LRFN2: variants seen among roughly 807,000 people sequenced by gnomAD.
LRFN2 encodes the protein leucine rich repeat and fibronectin type III domain containing 2.
In LRFN2, 18 loss-of-function variants were observed where a neutral mutation model predicts 37.3. The ratio of observed to expected loss-of-function variants is 0.48; its 90% CI spans 0.33 to 0.72. The LOEUF is 0.72. LRFN2 is among the 30% of genes least tolerant of loss of function. LRFN2 has a pLI of 0.02. For missense variants in LRFN2, 1,006 were observed against 1,060.7 expected, an observed-to-expected ratio of 0.95 and a Z score of 0.72; for synonymous variants, 556 against 466.6, an observed-to-expected ratio of 1.19 and a Z score of -2.47.
intron 1 of LRFN2, among the ~76,000 whole-genome samples, chr6:40,474,006 A>C (rs1040726851): frequency 7.2e-5 from 11 of 152,248 alleles, no homozygotes; most frequent in Non-Finnish European, 1.6e-4. Context: ...TTCCTGGCAC[A>C]CAGCAGGAAC....
intron 1 of LRFN2, among the ~76,000 whole-genome samples, chr6:40,540,651 A>G (rs1766536474): frequency 6.6e-6 from 1 of 152,204 alleles, no homozygotes; most frequent in South Asian, 2.1e-4. Context: ...AGCAGAAAAC[A>G]CAATGGGGTT....
In LRFN2 at chr6:40,392,754, G is replaced by C. The variant is rs1303203919; in HGVS notation, c.1559C>G (p.Pro520Arg). 1 of 1,614,114 alleles carries C rather than the reference G, an allele frequency of 6.2e-7. No homozygotes were observed. The highest frequency in any genetic ancestry group is 8.5e-7 in the Non-Finnish European group (1 of 1,179,992). Residue 520 changes from proline to arginine, a missense_variant, in exon 3 of 3, where the codon CCG (proline) becomes CGG (arginine). Pro to Arg is a moderately radical substitution (Grantham distance 103). Coordinates refer to ENST00000338305, the MANE Select transcript of LRFN2 (RefSeq NM_020737.3). The surrounding 1 kb of genome is among the most constrained non-coding windows in gnomAD (Gnocchi z 4.7). Reference sequence around the variant, plus strand: ...CTGGCTGTGCATGGACTGGCACTGCGGGTAGTCAGCCTTGGTGAAGAACTG... The same window carrying C: ...CTGGCTGTGCATGGACTGGCACTGCCGGTAGTCAGCCTTGGTGAAGAACTG... Reference protein sequence around the residue: ...CAQFFTKADYPQCQSMHSQIL... With the variant: ...CAQFFTKADYRQCQSMHSQIL...
intron 1 of LRFN2, among the ~76,000 whole-genome samples, chr6:40,466,549 G>A (rs896585584): frequency 6.6e-6 from 1 of 151,972 alleles, no homozygotes; most frequent in Admixed American, 6.5e-5. Context: ...GAAAGGAGAG[G>A]CCCCCACTCA....
intron 1 of LRFN2, among the ~76,000 whole-genome samples, chr6:40,517,149 G>T (rs962050553): frequency 1.3e-5 from 2 of 152,168 alleles, no homozygotes; most frequent in African/African-American, 4.8e-5. Flanking sequence ...ATCCCTAGCT[G>T]CAGTACGTTC....
intron 1 of LRFN2, among the ~76,000 whole-genome samples, chr6:40,579,700 T>C (rs1767359688): frequency 6.6e-6 from 1 of 151,674 alleles, no homozygotes; most frequent in South Asian, 2.1e-4. Flanking sequence ...ACCCCCAACA[T>C]AATCAAGTCC....
intron 1 of LRFN2, among the ~76,000 whole-genome samples, chr6:40,556,694 TTC>T (rs1766892596): frequency 7.5e-6 from 1 of 133,954 alleles, no homozygotes; most frequent in Admixed American, 7.3e-5. Flanking sequence ...CTCTCTTTGT[TTC>T]TCTCTCTCTT....
chr6:40,451,088 T>A (rs955248569), intron 1 of LRFN2, among the ~76,000 whole-genome samples: 1 of 152,226 alleles, frequency 6.6e-6, no homozygotes, highest in African/African-American at 2.4e-5. Flanking sequence ...ACTAGACATG[T>A]GTGATATAAT....
At chr6:40,493,175 G>A (rs189522509) in intron 1 of LRFN2, among the ~76,000 whole-genome samples, 3 of 152,234 alleles carry the variant, frequency 2.0e-5, no homozygotes, top group Admixed American at 6.5e-5. Context: ...CCCGAGCCAA[G>A]GCTGGGTATC....
At chr6:40,393,339 C>T (rs1762553125) in intron 2 of LRFN2, among the ~76,000 whole-genome samples, 1 of 151,266 alleles carries the variant, frequency 6.6e-6, no homozygotes, top group Non-Finnish European at 1.5e-5. Flanking sequence ...TGTCAGAGAC[C>T]GAGGATGTGT....
In LRFN2 at chr6:40,476,971, C is replaced by T. The variant is rs529430054; in HGVS notation, c.-18-43840G>A. Among the ~76,000 whole-genome samples the T allele has an allele frequency of 2.6e-3, 399 of 152,334 alleles. 1 individual carries two copies. The highest frequency in any genetic ancestry group is 9.3e-3 in the African/African-American group (388 of 41,578). On this transcript the variant is annotated intron_variant, in intron 1 of 2. Transcript: ENST00000338305. ...CAAAGTAGCTTAGGCATCTAGTTCC[C>T]CAGAGTCTCTTCCCACCTTCTCCTT...
chr6:40,515,659 C>T lies in LRFN2; in HGVS notation c.-19+71282G>A, dbSNP rs952735651. ...ATCCCAGCACTTTGGGAGGCCAAGG[C>T]GGGCGGATTGCCTGAGGTCAGGAGT... On this transcript the variant is annotated intron_variant, in intron 1 of 2. Coordinates refer to ENST00000338305, the MANE Select transcript of LRFN2 (RefSeq NM_020737.3). Among the ~76,000 whole-genome samples, 8 of 152,232 alleles carry T rather than the reference C, an allele frequency of 5.3e-5. No homozygotes were observed. In the East Asian group the frequency reaches 9.7e-4, roughly 18 times the overall value.
chr6:40,432,275 C>A lies in LRFN2; in HGVS notation c.839G>T (p.Arg280Leu), dbSNP rs780311111. The change falls in exon 2 of 3, where the codon CGT (arginine) becomes CTT (leucine). Residue 280 changes from arginine to leucine, a missense_variant. Physicochemically the swap from Arg to Leu is moderately radical, Grantham distance 102. Coordinates refer to ENST00000338305, the MANE Select transcript of LRFN2 (RefSeq NM_020737.3). ...CGGCTCGCACACAAACTCCTCCTCA[C>A]GCACATGCCAGAAGTAGCGACCCTT... ...GLKGRYFWHV[R>L]EEEFVCEPPL... 1.2e-6 allele frequency: 2 copies of A among 1,613,964 alleles called. No homozygotes were observed. Among genetic ancestry groups the A allele is most frequent in the Admixed American group, 1.7e-5 (1 of 60,008 alleles).
chr6:40,497,823 G>C (rs570136041), intron 1 of LRFN2, among the ~76,000 whole-genome samples: 96 of 152,248 alleles, frequency 6.3e-4, no homozygotes, highest in Middle Eastern at 3.4e-3. Flanking sequence ...AAGCAAGGAT[G>C]ATCAAAAAAA....
intron 1 of LRFN2, among the ~76,000 whole-genome samples, chr6:40,488,476 G>A (rs1454766657): frequency 6.6e-6 from 1 of 151,982 alleles, no homozygotes; most frequent in Non-Finnish European, 1.5e-5. Context: ...CCTCCTGCAG[G>A]AAGCCTTCCT....
chr6:40,575,461 C>T (rs1581802052), intron 1 of LRFN2, among the ~76,000 whole-genome samples: 2 of 152,288 alleles, frequency 1.3e-5, no homozygotes, highest in African/African-American at 4.8e-5. Flanking sequence ...CCAGCCAGGG[C>T]TCCCACCAGC....
chr6:40,461,622 T>C (rs1185116217), intron 1 of LRFN2, among the ~76,000 whole-genome samples: 7 of 132,642 alleles, frequency 5.3e-5, no homozygotes. Context: ...ACAGAGCCTA[T>C]ATTATAGTTT....
intron 1 of LRFN2, chr6:40,516,296 G>A (rs1259858118): frequency 6.6e-6 from 1 of 152,212 alleles, no homozygotes; most frequent in Non-Finnish European, 1.5e-5. Context: ...TCTGTTTAGG[G>A]TTCCAGATAT....
chr6:40,511,192 G>C (rs1274441077), intron 1 of LRFN2, among the ~76,000 whole-genome samples: 1 of 152,102 alleles, frequency 6.6e-6, no homozygotes, highest in African/African-American at 2.4e-5. Context: ...TAACATGTAT[G>C]GGTCACCTAC....
chr6:40,484,715 C>G (rs1373236501), intron 1 of LRFN2, among the ~76,000 whole-genome samples: 1 of 152,178 alleles, frequency 6.6e-6, no homozygotes, highest in African/African-American at 2.4e-5. Context: ...CAGGCCTGTA[C>G]AGGAGCATGT....
Sources: allele counts gnomAD v4.1 joint callset (sites outside exome capture counted in the v4.1 genomes callset), GRCh38; gene constraint gnomAD v4.1.1; non-coding constraint Gnocchi (gnomAD v3.1); transcripts MANE v1.5; gene names NCBI Gene and HGNC (gene_info 2026-07-23, HGNC 2026-07-21).